HYCC1: variants seen among roughly 807,000 people sequenced by gnomAD.
HYCC1 encodes the protein hyccin.
chr7:23,009,377 CA>C, the HYCC1 span, among the ~76,000 whole-genome samples: 1 of 152,008 alleles, frequency 6.6e-6, no homozygotes, highest in Admixed American at 6.6e-5. Flanking sequence ...TAGGCTGCAC[CA>C]AAATTAGGGA....
chr7:23,003,697 A>G, the HYCC1 span, among the ~76,000 whole-genome samples: 1 of 152,212 alleles, frequency 6.6e-6, no homozygotes, highest in Non-Finnish European at 1.5e-5. Flanking sequence ...GTTGGGAGTT[A>G]ATGTCTTAGA....
At chr7:22,972,238 G>A in the HYCC1 span, among the ~76,000 whole-genome samples, 1 of 152,064 alleles carries the variant, frequency 6.6e-6, no homozygotes, top group South Asian at 2.1e-4. Flanking sequence ...TTAGTCAGGA[G>A]CAAAATGGCT....
At chr7:23,011,048 C>G in the HYCC1 span, among the ~76,000 whole-genome samples, 1 of 152,192 alleles carries the variant, frequency 6.6e-6, no homozygotes, top group Non-Finnish European at 1.5e-5. Context: ...AACTTGACAC[C>G]TCCTTACAGC....
At chr7:22,942,002 G>A in the HYCC1 span, 1 of 151,914 alleles carries the variant, frequency 6.6e-6, no homozygotes, top group Non-Finnish European at 1.5e-5. Context: ...TCCTTGATGT[G>A]CTTCCCTTTA....
chr7:22,908,750 T>C, the HYCC1 span, among the ~76,000 whole-genome samples: 1,135 of 152,320 alleles, frequency 7.5e-3, 9 homozygotes, highest in South Asian at 0.012. Flanking sequence ...CTGTAAGCCC[T>C]TGAAATGTCT....
At chr7:22,929,671 A>C in the HYCC1 span, among the ~76,000 whole-genome samples, 2 of 152,218 alleles carry the variant, frequency 1.3e-5, no homozygotes, top group South Asian at 2.1e-4. Context: ...TAGAATGGTG[A>C]TCATTAAAAA....
the HYCC1 span, among the ~76,000 whole-genome samples, chr7:22,993,521 G>T: frequency 6.6e-6 from 1 of 152,092 alleles, no homozygotes; most frequent in African/African-American, 2.4e-5. Flanking sequence ...CTCATATCCA[G>T]AATATATAAG....
chr7:22,960,220 A>G, the HYCC1 span: 18 of 1,595,910 alleles, frequency 1.1e-5, no homozygotes, highest in Middle Eastern at 8.3e-4. Context: ...AAAAGAATCA[A>G]CAATGGTTTG....
the HYCC1 span, chr7:22,961,401 T>G: frequency 2.4e-6 from 2 of 827,094 alleles, no homozygotes; most frequent in Admixed American, 4.0e-5. Context: ...CTATCTTTAC[T>G]GAAGAAAATA....
At chr7:22,978,145 T>A in the HYCC1 span, 1 of 834,212 alleles carries the variant, frequency 1.2e-6, no homozygotes, top group Non-Finnish European at 1.9e-6. Flanking sequence ...TTTGGAAGAA[T>A]GGGCTATGAG....
chr7:22,990,277 A>G, the HYCC1 span, among the ~76,000 whole-genome samples: 1 of 152,160 alleles, frequency 6.6e-6, no homozygotes, highest in Non-Finnish European at 1.5e-5. Context: ...CCAAATTACT[A>G]TAATTTTATC....
At chr7:22,952,161 G>A in the HYCC1 span, among the ~76,000 whole-genome samples, 1 of 151,840 alleles carries the variant, frequency 6.6e-6, no homozygotes, top group Non-Finnish European at 1.5e-5. Flanking sequence ...TATATAATAA[G>A]GGAACAGAGC....
the HYCC1 span, among the ~76,000 whole-genome samples, chr7:23,000,607 G>A: frequency 6.6e-6 from 1 of 151,810 alleles, no homozygotes; most frequent in Non-Finnish European, 1.5e-5. Flanking sequence ...TTATATTTAC[G>A]ACCTTCAACA....
chr7:22,917,408 TCTG>T, the HYCC1 span, among the ~76,000 whole-genome samples: 1 of 152,206 alleles, frequency 6.6e-6, no homozygotes, highest in African/African-American at 2.4e-5. Flanking sequence ...CAGTGTTCCA[TCTG>T]CTATTCTACG....
the HYCC1 span, among the ~76,000 whole-genome samples, chr7:22,988,809 T>C: frequency 6.6e-6 from 1 of 152,180 alleles, no homozygotes; most frequent in Non-Finnish European, 1.5e-5. Context: ...ATCAACTTAT[T>C]TGCTCAATGT....
chr7:22,999,814 A>C, the HYCC1 span, among the ~76,000 whole-genome samples: 1 of 152,176 alleles, frequency 6.6e-6, no homozygotes, highest in South Asian at 2.1e-4. Flanking sequence ...TGTGTCCTCA[A>C]GGCAATTGTA....
chr7:23,000,102 G>A, the HYCC1 span, among the ~76,000 whole-genome samples: 41 of 151,756 alleles, frequency 2.7e-4, no homozygotes, highest in East Asian at 1.9e-3. Flanking sequence ...TTTTCTTTAC[G>A]GGAGATTTTT....
chr7:22,901,363 A>T, the HYCC1 span, among the ~76,000 whole-genome samples: 1 of 152,036 alleles, frequency 6.6e-6, no homozygotes, highest in Admixed American at 6.5e-5. Flanking sequence ...AGAAAAAAAT[A>T]GAATGAAAGA....
the HYCC1 span, among the ~76,000 whole-genome samples, chr7:22,969,560 G>A: frequency 6.1e-5 from 9 of 148,050 alleles, no homozygotes; most frequent in South Asian, 1.5e-3. Context: ...TCACTCTGTC[G>A]CCCAGGCTGG....
Sources: gnomAD v4.1 joint callset for allele counts (sites outside exome capture counted in the v4.1 genomes callset) on GRCh38, gnomAD v4.1.1 for gene constraint, MANE v1.5 for transcripts, NCBI Gene and HGNC (gene_info 2026-07-23, HGNC 2026-07-21) for gene names.